The following RNF213 variants were observed in gnomAD, a reference collection of about 807,000 sequenced individuals.
The protein encoded by RNF213 is E3 ubiquitin-protein ligase RNF213.
A neutral mutation model predicts 514.4 loss-of-function variants in RNF213; 341 were observed. The ratio of observed to expected loss-of-function variants is 0.66; its 90% CI spans 0.61 to 0.73. The LOEUF (loss-of-function observed/expected upper bound fraction) is 0.73. Among genes scored for constraint, RNF213 ranks in the 30% least tolerant of loss-of-function variants. The pLI, the probability that RNF213 is intolerant of heterozygous loss-of-function variation, is 0.00. For missense variants in RNF213, 5,767 were observed against 6,615.6 expected, an observed-to-expected ratio of 0.87 and a Z score of 4.45; for synonymous variants, 2,655 against 2,658.2, an observed-to-expected ratio of 1.00 and a Z score of 0.04.
chr17:80,355,091 C>A (rs771275620), intron 36 of RNF213: 1 of 415,872 alleles, frequency 2.4e-6, no homozygotes, highest in Non-Finnish European at 4.9e-6. Flanking sequence ...AGGAGGGGTG[C>A]TCTGGGCCCC....
chr17:80,313,710 A>T (rs57282254), intron 15 of RNF213, among the ~76,000 whole-genome samples: 37 of 44,710 alleles, frequency 8.3e-4, no homozygotes, highest in Admixed American at 7.2e-3. Flanking sequence ...GATGGTGGTG[A>T]TGGAGGTGGT....
At position 80,388,466 on chromosome 17, in the gene RNF213, G is replaced by A. The variant is rs375383189; in HGVS notation, c.14923-146G>A. 109 of 714,362 alleles carry A rather than the reference G, an allele frequency of 1.5e-4. No homozygotes were observed. The African/African-American group carries it at 1.7e-3, about 11-fold the overall frequency. The allele number at this position is 714,362 out of a possible 1,614,324, so 44.3% of individuals were successfully genotyped here. A position where few individuals can be genotyped will look rare whatever the true frequency, so the allele number is the denominator to read the frequency against. On this transcript the variant is annotated intron_variant, in intron 63 of 67. Transcript: ENST00000582970. ...CTATTTCCATAGATGGTGGGTTAATGACGGAGAGGGGCGCTCTTAGCCAAG... is the reference window on the plus strand; with the variant it reads ...CTATTTCCATAGATGGTGGGTTAATAACGGAGAGGGGCGCTCTTAGCCAAG...
intron 62 of RNF213, 78 bp downstream of exon 62, chr17:80,386,508 C>A: frequency 6.6e-7 from 1 of 1,513,840 alleles, no homozygotes; most frequent in Non-Finnish European, 9.1e-7. Context: ...CACAAGCAAG[C>A]TTCAGCCCCT....
chr17:80,374,004 C>CAAAAA (rs397968636), intron 49 of RNF213, among the ~76,000 whole-genome samples: 16 of 96,200 alleles, frequency 1.7e-4, no homozygotes, highest in Middle Eastern at 5.3e-3. Flanking sequence ...GACTCCGTCT[C>CAAAAA]AAAAAAAAAA....
intron 3 of RNF213, among the ~76,000 whole-genome samples, chr17:80,286,478 C>T (rs918449211): frequency 2.0e-5 from 3 of 152,124 alleles, no homozygotes; most frequent in African/African-American, 7.2e-5. Context: ...GCTGCGGCCT[C>T]GTCATGCCCT....
chr17:80,379,822 A>G, intron 55 of RNF213, 108 bp downstream of exon 55: 1 of 889,998 alleles, frequency 1.1e-6, no homozygotes, highest in Non-Finnish European at 1.9e-6. Flanking sequence ...TTACTCCAGT[A>G]CATGTGGGCC....
rs144915128 is a variant in RNF213 at position 80,279,218 on chromosome 17, T to C, written c.261+5814T>C. On this transcript the variant is annotated intron_variant, in intron 3 of 67. Transcript: ENST00000582970. ...GTCCCCTTGGACACCTGGAGAAACTTAACCTGGCTGCACTCACCTGGCTAA... is the reference window on the plus strand; with the variant it reads ...GTCCCCTTGGACACCTGGAGAAACTCAACCTGGCTGCACTCACCTGGCTAA... 9.4e-4 allele frequency among the ~76,000 whole-genome samples: 143 copies of C among 152,272 alleles called. 2 individuals are homozygous for C. Among genetic ancestry groups the C allele is most frequent in the Middle Eastern group, 3.4e-3 (1 of 294 alleles).
rs1331837499 is a variant in RNF213, at chr17:80,295,647, G to T, written c.1846G>T (p.Val616Leu). 1.2e-6 allele frequency: 2 copies of T among 1,614,158 alleles called. No homozygotes were observed. The highest frequency in any genetic ancestry group is 2.2e-5 in the South Asian group (2 of 91,078). Residue 616 changes from valine (V) to leucine (L), a missense_variant, in exon 10 of 68, where the codon GTG (valine) becomes TTG (leucine). Coordinates refer to ENST00000582970, the MANE Select transcript of RNF213 (RefSeq NM_001256071.3). ...STDFLPVDCP[V>L]RSKLKTGLIV... ...GGACTTTTTGCCTGTGGACTGCCCA[G>T]TGAGGAGTAAACTGAAAACAGGCCT...
Position 80,361,822 on chromosome 17 carries a change from T to C in RNF213, c.11289T>C (p.Leu3763=), listed in dbSNP as rs751449660. 7.4e-6 allele frequency: 12 copies of C among 1,613,906 alleles called. No homozygotes were observed. The South Asian group carries it at 1.3e-4, about 18-fold the overall frequency. ...TCCATGGAGAGCCGCAGCAGGAACTTCTTCAGTGTTACTTGAAGGATTTCA... is the reference window on the plus strand; with the variant it reads ...TCCATGGAGAGCCGCAGCAGGAACTCCTTCAGTGTTACTTGAAGGATTTCA... The part of the protein sequence containing the change: ...AQLHGEPQQE[L]LQCYLKDFIL... The change falls in exon 39 of 68, where the codon CTT becomes CTC. Residue 3763 remains leucine, a synonymous_variant. Coordinates refer to ENST00000582970, the MANE Select transcript of RNF213 (RefSeq NM_001256071.3).
chr17:80,312,958 G>A (rs1215919991), intron 14 of RNF213, 54 bp from the exon 15 acceptor site: 4 of 1,608,228 alleles, frequency 2.5e-6, no homozygotes, highest in Non-Finnish European at 3.4e-6. Flanking sequence ...CATCTCGCCG[G>A]GAACCTGAGT....
At chr17:80,271,597 G>T (rs535607002) in intron 2 of RNF213, among the ~76,000 whole-genome samples, 1 of 152,312 alleles carries the variant, frequency 6.6e-6, no homozygotes, top group East Asian at 1.9e-4. Context: ...AGGTGGGGTC[G>T]TCCAGACCCA....
chr17:80,373,683 A>G (rs1333832231), intron 49 of RNF213, among the ~76,000 whole-genome samples: 2 of 152,158 alleles, frequency 1.3e-5, no homozygotes, highest in Non-Finnish European at 1.5e-5. Flanking sequence ...AGAACTAGGA[A>G]TAGAAGAATT....
chr17:80,262,231 G>A lies in RNF213; in HGVS notation c.-109+1329G>A, dbSNP rs533233464. Among the ~76,000 whole-genome samples the A allele has an allele frequency of 1.4e-4, 21 of 151,992 alleles. 1 individual carries two copies. The South Asian group carries it at 3.3e-3, about 24-fold the overall frequency. ...AGGGCTTGGCTGTGGCAGGGGTAGG[G>A]GAGTTTTAAACTCTCCTTCTACTCT... On this transcript the variant is annotated intron_variant, in intron 1 of 67. Coordinates refer to ENST00000582970, the MANE Select transcript of RNF213 (RefSeq NM_001256071.3).
chr17:80,335,951 T>G (rs1477596887), intron 22 of RNF213, among the ~76,000 whole-genome samples: 5 of 146,912 alleles, frequency 3.4e-5, no homozygotes, highest in Non-Finnish European at 6.0e-5. Context: ...CACTCCAGCT[T>G]GGGTGACAGA....
intron 38 of RNF213, 76 bp from the exon 39 acceptor site, chr17:80,361,658 T>TCCGGA: frequency 6.4e-7 from 1 of 1,561,554 alleles, no homozygotes; most frequent in Non-Finnish European, 8.8e-7. Flanking sequence ...TCCCCTTCAC[T>TCCGGA]CCGGAGCCCC....
intron 9 of RNF213, 26 bp downstream of exon 9, chr17:80,295,029 T>C: frequency 6.2e-7 from 1 of 1,613,066 alleles, no homozygotes; most frequent in Non-Finnish European, 8.5e-7. Flanking sequence ...CCAGCTGCTC[T>C]ACCTGCTGGG....
intron 47 of RNF213, 48 bp downstream of exon 47, chr17:80,372,033 C>A (rs760032181): frequency 3.1e-6 from 3 of 974,410 alleles, no homozygotes; most frequent in Non-Finnish European, 5.0e-6. Context: ...ACTATCTGAA[C>A]CACATGGTTT....
rs2078080155 is a variant in RNF213, at chr17:80,339,297, T to TTTATA, written c.4930_4931insTTATA (p.Ser1644PhefsTer19). The TTTATA allele has an allele frequency of 6.5e-7, 1 of 1,536,298 alleles. No homozygotes were observed. The highest frequency in any genetic ancestry group is 8.7e-7 in the Non-Finnish European group (1 of 1,146,302). On this transcript the variant is annotated frameshift_variant, in exon 26 of 68. Coordinates refer to ENST00000582970, the MANE Select transcript of RNF213 (RefSeq NM_001256071.3). LOFTEE classifies it high-confidence loss of function. ...GACGTGGATCGCCATGGCCTACTGC[T>TTTATA]CCCCCAAGCAGGGTGTGTCCCTCCA...
intron 20 of RNF213, among the ~76,000 whole-genome samples, chr17:80,329,396 T>C (rs1028771245): frequency 6.6e-6 from 1 of 152,250 alleles, no homozygotes. Flanking sequence ...GCCTCCACAG[T>C]GTGGCTATGT....
Sources: allele counts gnomAD v4.1 joint callset (sites outside exome capture counted in the v4.1 genomes callset), GRCh38; gene constraint gnomAD v4.1.1; transcripts MANE v1.5; gene names NCBI Gene and HGNC (gene_info 2026-07-23, HGNC 2026-07-21).